Variants in EPHA3 observed in about 807,000 individuals in gnomAD.
The protein encoded by EPHA3 is EPH receptor A3.
Under a neutral mutation model 107.1 loss-of-function variants are expected in EPHA3, and 42 were observed. The ratio of observed to expected loss-of-function variants is 0.39; its 90% confidence interval spans 0.31 to 0.51. The LOEUF is 0.51. EPHA3 is among the 20% of genes least tolerant of loss of function. The pLI, the probability that EPHA3 is intolerant of heterozygous loss-of-function variation, is 0.78. For missense variants in EPHA3, 1,183 were observed against 1,211.2 expected, an observed-to-expected ratio of 0.98 and a Z score of 0.35; for synonymous variants, 461 against 424.8, an observed-to-expected ratio of 1.09 and a Z score of -1.05.
At chr3:89,477,861 T>C (rs1489279436) in intron 16 of EPHA3, among the ~76,000 whole-genome samples, 1 of 151,012 alleles carries the variant, frequency 6.6e-6, no homozygotes, top group Non-Finnish European at 1.5e-5. Context: ...TCACATGGAA[T>C]TTACCTTCTT....
intron 16 of EPHA3, 104 bp downstream of exon 16, chr3:89,472,723 A>G: frequency 7.5e-7 from 1 of 1,325,760 alleles, no homozygotes; most frequent in Non-Finnish European, 1.0e-6. Context: ...TACAAATATT[A>G]GTGGTAGATC....
chr3:89,158,674 T>C (rs932031487), intron 2 of EPHA3, among the ~76,000 whole-genome samples: 2 of 152,080 alleles, frequency 1.3e-5, no homozygotes, highest in Non-Finnish European at 2.9e-5. Flanking sequence ...CTTTTGTATA[T>C]CCCGTTGCTT....
chr3:89,402,171 G>GAT (rs1708976660), intron 7 of EPHA3, among the ~76,000 whole-genome samples: 1 of 152,174 alleles, frequency 6.6e-6, no homozygotes, highest in African/African-American at 2.4e-5. Flanking sequence ...ATTTACCACA[G>GAT]ATATTGCTGT....
At chr3:89,454,574 A>AT (rs908809480) in intron 15 of EPHA3, among the ~76,000 whole-genome samples, 102 of 151,966 alleles carry the variant, frequency 6.7e-4, no homozygotes, top group East Asian at 6.4e-3. Flanking sequence ...AACTCCAAAC[A>AT]TTTTTTTTGC....
intron 1 of EPHA3, among the ~76,000 whole-genome samples, chr3:89,120,138 A>T (rs1707344579): frequency 6.6e-6 from 1 of 152,148 alleles, no homozygotes; most frequent in African/African-American, 2.4e-5. Flanking sequence ...TCCCTTAATG[A>T]CTATTTGTAT....
rs368862138 is a variant in EPHA3 at position 89,192,231 on chromosome 3, GTATAAT to G, written c.154-17628_154-17623del. On this transcript the variant is annotated intron_variant, in intron 2 of 16. Coordinates refer to ENST00000336596, the MANE Select transcript of EPHA3 (RefSeq NM_005233.6). ...TCCAGATCCAAGAGGAGAATCCTAGGTATAATATTTTGTTCTAGAAACCACACTACA... is the reference window on the plus strand; with the variant it reads ...TCCAGATCCAAGAGGAGAATCCTAGGATTTTGTTCTAGAAACCACACTACA... 1.8e-3 allele frequency among the ~76,000 whole-genome samples: 268 copies of G among 152,200 alleles called. 1 individual carries two copies. The highest frequency in any genetic ancestry group is 5.9e-3 in the African/African-American group (246 of 41,526).
Position 89,333,067 on chromosome 3 carries a change from A to G in EPHA3, c.815-7849A>G, listed in dbSNP as rs1417324790. Among the ~76,000 whole-genome samples the G allele has an allele frequency of 2.6e-5, 4 of 152,246 alleles. No homozygotes were observed. In the East Asian group the frequency reaches 7.8e-4, roughly 30 times the overall value. On this transcript the variant is annotated intron_variant, in intron 3 of 16. Coordinates refer to ENST00000336596, the MANE Select transcript of EPHA3 (RefSeq NM_005233.6). ...CTTTACCCATTCCCTGTATCAGCAT[A>G]GTTCAAAGTCATCAATTACAACTGT... is the stretch of plus-strand genomic sequence containing the variant.
At chr3:89,342,178 A>G (rs1397725804) in intron 5 of EPHA3, 88 bp downstream of exon 5, 1 of 1,237,686 alleles carries the variant, frequency 8.1e-7, no homozygotes, top group Non-Finnish European at 1.1e-6. Flanking sequence ...GCGGAAGGAA[A>G]AAAAGATTTT....
At position 89,262,082 on chromosome 3, in the gene EPHA3, A is replaced by G. The variant is rs757684202; in HGVS notation, c.814+51562A>G. Among the ~76,000 whole-genome samples, 68 of 152,228 alleles carry G rather than the reference A, an allele frequency of 4.5e-4. 1 individual carries two copies. Among genetic ancestry groups the G allele is most frequent in the Non-Finnish European group, 4.1e-4 (28 of 68,022 alleles). ...TTAGTTTTCACTGGAAAGAACCCAAATAATATTATAACTACTATCAAAAGG... is the reference window on the plus strand; with the variant it reads ...TTAGTTTTCACTGGAAAGAACCCAAGTAATATTATAACTACTATCAAAAGG... On this transcript the variant is annotated intron_variant, in intron 3 of 16. Transcript: ENST00000336596.
At chr3:89,199,455 A>G (rs1705918101) in intron 2 of EPHA3, among the ~76,000 whole-genome samples, 1 of 152,164 alleles carries the variant, frequency 6.6e-6, no homozygotes, top group African/African-American at 2.4e-5. Context: ...CACTTCATTG[A>G]AACTTCTTGA....
intron 1 of EPHA3, among the ~76,000 whole-genome samples, chr3:89,111,508 T>TCCCCC: frequency 7.8e-6 from 1 of 128,936 alleles, no homozygotes; most frequent in South Asian, 2.8e-4. Context: ...CACCCCTACA[T>TCCCCC]CCCCCCCCCA....
intron 3 of EPHA3, among the ~76,000 whole-genome samples, chr3:89,335,052 T>A (rs925155277): frequency 7.9e-5 from 12 of 152,142 alleles, no homozygotes; most frequent in Non-Finnish European, 1.5e-4. Flanking sequence ...ATGAAACTGA[T>A]CTCCTTTTTA....
At chr3:89,283,643 C>A (rs368952534) in intron 3 of EPHA3, among the ~76,000 whole-genome samples, 1 of 151,950 alleles carries the variant, frequency 6.6e-6, no homozygotes, top group South Asian at 2.1e-4. Context: ...CAAATTAGGT[C>A]AAAAAGAGAA....
At chr3:89,336,552 C>G (rs546231048) in intron 3 of EPHA3, among the ~76,000 whole-genome samples, 1 of 152,128 alleles carries the variant, frequency 6.6e-6, no homozygotes, top group East Asian at 1.9e-4. Context: ...TAATTTTATA[C>G]ATTCTCCACT....
chr3:89,116,342 A>C (rs1707252681), intron 1 of EPHA3, among the ~76,000 whole-genome samples: 3 of 152,186 alleles, frequency 2.0e-5, no homozygotes, highest in African/African-American at 2.4e-5. Context: ...AAAGGTCAGT[A>C]ATAGGAGAAA....
chr3:89,239,465 G>C (rs376175992), intron 3 of EPHA3, among the ~76,000 whole-genome samples: 1 of 152,028 alleles, frequency 6.6e-6, no homozygotes. Flanking sequence ...TTACATCTTA[G>C]GGATATTATA....
intron 2 of EPHA3, among the ~76,000 whole-genome samples, chr3:89,132,568 G>T (rs148326318): frequency 6.6e-6 from 1 of 152,168 alleles, no homozygotes; most frequent in African/African-American, 2.4e-5. Context: ...TATATAATCA[G>T]ATGTAAGCCA....
chr3:89,151,603 T>TA (rs1354293623), intron 2 of EPHA3, among the ~76,000 whole-genome samples: 1 of 152,090 alleles, frequency 6.6e-6, no homozygotes, highest in Non-Finnish European at 1.5e-5. Flanking sequence ...CCTATTTCAG[T>TA]ACTGTTTATA....
In EPHA3 at chr3:89,211,746, CT is replaced by C. The variant is rs1704099686; in HGVS notation, c.814+1228del. Among the ~76,000 whole-genome samples, 4 of 18,506 alleles carry C rather than the reference CT, an allele frequency of 2.2e-4. 1 individual carries two copies. The South Asian group carries it at 0.011, about 53-fold the overall frequency. The allele number at this position is 18,506 out of a possible 152,430, so 12.1% of individuals were successfully genotyped here. ...TCTTTTTCTTCTTCTTCTTCTCCTT[CT>C]TCTTCTTCTTCTTCTTCTTCTTCTT... On this transcript the variant is annotated intron_variant, in intron 3 of 16. Coordinates refer to ENST00000336596, the MANE Select transcript of EPHA3 (RefSeq NM_005233.6).
Sources: gnomAD v4.1 joint callset for allele counts (sites outside exome capture counted in the v4.1 genomes callset) on GRCh38, gnomAD v4.1.1 for gene constraint, MANE v1.5 for transcripts, NCBI Gene and HGNC (gene_info 2026-07-23, HGNC 2026-07-21) for gene names.